The following SI variants were observed in gnomAD, a reference collection of about 807,000 sequenced individuals.
SI encodes the protein sucrase-isomaltase, intestinal.
In SI, 235 loss-of-function variants were observed where a neutral mutation model predicts 253.3. That is an observed-to-expected ratio of 0.93 (90% CI 0.83 to 1.03). The LOEUF is 1.03. SI is among the 50% of genes least tolerant of loss of function. The pLI is 0.00. For synonymous variants in SI, 819 were observed against 712.0 expected (o/e 1.15, Z -2.39); for missense variants, 2,442 against 2,211.1 (o/e 1.10, Z -2.09).
chr3:165,019,718 A>G lies in SI; in HGVS notation c.3307T>C (p.Ser1103Pro). 5 of 1,612,760 alleles carry G rather than the reference A, an allele frequency of 3.1e-6. No individual in the cohort carries two copies. Among genetic ancestry groups the G allele is most frequent in the Non-Finnish European group, 4.2e-6 (5 of 1,179,106 alleles). Residue 1103 changes from serine to proline, a missense_variant, in exon 28 of 48, where the codon TCG (serine) becomes CCG (proline). Ser to Pro is a moderately conservative substitution (Grantham distance 74). Transcript: ENST00000264382. ...ATATATTCTGATGGCAGGCGAGTCG[A>G]TATTTGAATGAACTGGTCATTAAAA... ...FAFNDQFIQI[S>P]TRLPSEYIYG...
At chr3:165,048,582 T>TAC (rs773093036) in intron 15 of SI, among the ~76,000 whole-genome samples, 9 of 111,716 alleles carry the variant, frequency 8.1e-5, no homozygotes, top group Non-Finnish European at 9.8e-5. Context: ...TATATATATA[T>TAC]ATAGAGAGAG....
At chr3:165,051,704 G>A (rs1026812457) in intron 13 of SI, among the ~76,000 whole-genome samples, 7 of 151,820 alleles carry the variant, frequency 4.6e-5, no homozygotes, top group African/African-American at 1.7e-4. Flanking sequence ...GGAATTGCAA[G>A]GGTAAAACAC....
intron 29 of SI, 48 bp downstream of exon 29, chr3:165,017,922 T>C (rs774351733): frequency 4.4e-6 from 7 of 1,585,514 alleles, no homozygotes; most frequent in African/African-American, 2.7e-5. Flanking sequence ...TACTAGTTTA[T>C]GAAAAAGTCA....
chr3:165,076,795 G>A (rs555694921), intron 1 of SI, among the ~76,000 whole-genome samples: 106 of 151,558 alleles, frequency 7.0e-4, no homozygotes, highest in African/African-American at 2.4e-3. Flanking sequence ...TTATCTGAAA[G>A]CATATTTGTT....
chr3:165,069,119 T>G lies in SI; in HGVS notation c.332A>C (p.Asn111Thr). The G allele has an allele frequency of 6.2e-7, 1 of 1,613,134 alleles. No individual in the cohort carries two copies. The highest frequency in any genetic ancestry group is 8.5e-7 in the Non-Finnish European group (1 of 1,179,310). ...CATGTCTTGAACGTTATAACCATGA[T>G]TATCAACGAAGAAGCACCAAGGAAT... ...SLIPWCFFVD[N>T]HGYNVQDMTT... The change falls in exon 4 of 48, where the codon AAT becomes ACT. Residue 111 changes from asparagine to threonine, a missense_variant. Physicochemically the swap from Asn to Thr is moderately conservative, Grantham distance 65 (BLOSUM62 0). Coordinates refer to ENST00000264382, the MANE Select transcript of SI (RefSeq NM_001041.4).
Position 165,062,434 on chromosome 3 carries a change from GC to G in SI, c.956del (p.Gly319AlafsTer9). On this transcript the variant is annotated frameshift_variant, in exon 9 of 48. Transcript: ENST00000264382. LOFTEE classifies it high-confidence loss of function. ...TPIVTYRVTG[G>X]ILDFYILLGD... ...CTAGAAGGATGTAAAAATCCAGAAT[GC>G]CACCGGTAACTCTATATGTTACTAT... 1 of 1,606,300 alleles carries G rather than the reference GC, an allele frequency of 6.2e-7. No homozygotes were observed. The highest frequency in any genetic ancestry group is 8.5e-7 in the Non-Finnish European group (1 of 1,173,528).
chr3:165,082,318 A>T (rs905688726), upstream of SI, among the ~76,000 whole-genome samples: 2 of 151,922 alleles, frequency 1.3e-5, no homozygotes, highest in African/African-American at 4.8e-5. Flanking sequence ...ATTTGCTGCT[A>T]CTGGTATAAC....
intron 12 of SI, among the ~76,000 whole-genome samples, chr3:165,055,752 T>C (rs1041451959): frequency 6.6e-6 from 1 of 152,098 alleles, no homozygotes; most frequent in Non-Finnish European, 1.5e-5. Context: ...ATATGATACA[T>C]ACTGGGCACT....
rs1412886895 is a variant in SI, at chr3:164,978,979, A to C, written c.*383T>G. 1 of 153,298 alleles carries C rather than the reference A, an allele frequency of 6.5e-6. No homozygotes were observed. Among genetic ancestry groups the C allele is most frequent in the Non-Finnish European group, 1.5e-5 (1 of 68,902 alleles). 9.5% of individuals were successfully genotyped at this position (153,298 alleles called of 1,614,324 possible). A position where few individuals can be genotyped will look rare whatever the true frequency, so the allele number is the denominator to read the frequency against. On this transcript the variant is annotated 3_prime_UTR_variant, in exon 48 of 48. Coordinates refer to ENST00000264382, the MANE Select transcript of SI (RefSeq NM_001041.4). ...TAAATCTTCAAATAATTGTTGTTAC[A>C]TATCTTAAATCTGCTAAACATTGAG... is the stretch of plus-strand genomic sequence containing the variant.
At position 165,047,125 on chromosome 3, in the gene SI, C is replaced by T. The variant is rs913918209; in HGVS notation, c.1716-113G>A. On this transcript the variant is annotated intron_variant, in intron 15 of 47. Coordinates refer to ENST00000264382, the MANE Select transcript of SI (RefSeq NM_001041.4). ...ATGTGATATAGTTTGGCTGTGTCCC[C>T]ACCCAAATCTCATCTTGAATTGTAA... is the stretch of plus-strand genomic sequence containing the variant. The T allele has an allele frequency of 3.8e-5, 29 of 760,274 alleles. No homozygotes were observed. The African/African-American group carries it at 4.4e-4, about 12-fold the overall frequency. The allele number at this position is 760,274 out of a possible 1,614,324, so 47.1% of individuals were successfully genotyped here.
chr3:164,997,712 G>A (rs1379444423), intron 38 of SI, among the ~76,000 whole-genome samples: 1 of 151,550 alleles, frequency 6.6e-6, no homozygotes, highest in Non-Finnish European at 1.5e-5. Flanking sequence ...ACAGTGTTTA[G>A]CTCCCAGTTA....
At chr3:165,018,230 A>G (rs1719136397) in intron 28 of SI, among the ~76,000 whole-genome samples, 164 bp from the exon 29 acceptor site, 2 of 151,698 alleles carry the variant, frequency 1.3e-5, no homozygotes, top group Admixed American at 1.3e-4. Context: ...TCCCTAGAAT[A>G]TAATTGTTTA....
At chr3:165,011,457 G>T (rs191051143) in intron 34 of SI, among the ~76,000 whole-genome samples, 1 of 151,892 alleles carries the variant, frequency 6.6e-6, no homozygotes, top group African/African-American at 2.4e-5. Flanking sequence ...TTTCATTGTG[G>T]CTGGGAAAGA....
chr3:165,037,933 G>A lies in SI; in HGVS notation c.2393C>T (p.Pro798Leu), dbSNP rs370937543. The A allele has an allele frequency of 4.3e-6, 7 of 1,610,294 alleles. No homozygotes were observed. The South Asian group carries it at 6.6e-5, about 15-fold the overall frequency. The change falls in exon 21 of 48, where the codon CCC becomes CTC. Residue 798 changes from proline to leucine, a missense_variant. Coordinates refer to ENST00000264382, the MANE Select transcript of SI (RefSeq NM_001041.4). ...GLHLRGGYII[P>L]IQEPDVTTTA... ...TGTTGTTACATCTGGTTCTTGAATG[G>A]GGATGATATAACCTCCTCTAAGATG...
intron 40 of SI, 76 bp from the exon 41 acceptor site, chr3:164,994,481 G>T: frequency 2.7e-6 from 4 of 1,461,622 alleles, no homozygotes; most frequent in Non-Finnish European, 3.8e-6. Flanking sequence ...CATATTTGAA[G>T]AACTAAAAAG....
chr3:165,060,867 A>AT (rs1560013254), intron 9 of SI, among the ~76,000 whole-genome samples: 112 of 146,398 alleles, frequency 7.7e-4, no homozygotes, highest in Middle Eastern at 3.6e-3. Context: ...TATTAAAAAA[A>AT]AATATATATA....
chr3:165,089,261 TA>T, the SI span, among the ~76,000 whole-genome samples: 1 of 152,026 alleles, frequency 6.6e-6, no homozygotes. Context: ...GAGCAAATAT[TA>T]AATAGAAACA....
In SI at chr3:165,068,621, C is replaced by A. The variant is rs560332002; in HGVS notation, c.483+101G>T. On this transcript the variant is annotated intron_variant, in intron 5 of 47. Transcript: ENST00000264382. ...ATCTCCTGACCTTGTGATCCGCCCA[C>A]GTCAGCTTCCCAAAGTGCTGGTATT... The A allele has an allele frequency of 4.2e-3, 3,412 of 819,704 alleles. 24 individuals carry two copies. The highest frequency in any genetic ancestry group is 6.6e-3 in the Non-Finnish European group (3,063 of 462,368). The allele number at this position is 819,704 out of a possible 1,614,324, so 50.8% of individuals were successfully genotyped here. A position where few individuals can be genotyped will look rare whatever the true frequency, so the allele number is the denominator to read the frequency against.
At position 165,037,925 on chromosome 3, in the gene SI, C is replaced by A. The variant is rs200972419; in HGVS notation, c.2401G>T (p.Glu801Ter). 99 of 1,609,162 alleles carry A rather than the reference C, an allele frequency of 6.2e-5. 1 individual carries two copies. The highest frequency in any genetic ancestry group is 5.9e-4 in the South Asian group (54 of 90,832). ...CTTGCTGTTGTTGTTACATCTGGTTCTTGAATGGGGATGATATAACCTCCT... is the reference window on the plus strand; with the variant it reads ...CTTGCTGTTGTTGTTACATCTGGTTATTGAATGGGGATGATATAACCTCCT... ...LRGGYIIPIQ[E>*]PDVTTTASRK... Residue 801 changes from glutamate (E) to a stop codon, truncating the protein, a stop_gained, in exon 21 of 48, where the codon GAA (glutamate) becomes TAA (stop). Coordinates refer to ENST00000264382, the MANE Select transcript of SI (RefSeq NM_001041.4). LOFTEE classifies it high-confidence loss of function.
Sources: gnomAD v4.1 joint callset for allele counts (sites outside exome capture counted in the v4.1 genomes callset) on GRCh38, gnomAD v4.1.1 for gene constraint, MANE v1.5 for transcripts, NCBI Gene and HGNC (gene_info 2026-07-23, HGNC 2026-07-21) for gene names.